Variants in USP3 observed in about 807,000 individuals in gnomAD.
USP3 encodes ubiquitin specific peptidase 3.
Under a neutral mutation model 72.3 loss-of-function variants are expected in USP3, and 20 were observed. The ratio of observed to expected loss-of-function variants is 0.28; its 90% CI spans 0.19 to 0.40. The LOEUF (loss-of-function observed/expected upper bound fraction) is 0.40, where lower values mean the gene tolerates loss of function less well. USP3 is among the 10% of genes least tolerant of loss of function. USP3 has a pLI of 1.00. For synonymous variants in USP3, 222 were observed against 225.3 expected (o/e 0.99, Z 0.13); for missense variants, 479 against 633.9 (o/e 0.76, Z 2.62).
rs570283986 is a variant in USP3 at position 63,532,630 on chromosome 15, A to G, written c.92-17A>G. 13 of 1,613,648 alleles carry G rather than the reference A, an allele frequency of 8.1e-6. No individual in the cohort carries two copies. The South Asian group carries it at 1.3e-4, about 16-fold the overall frequency. On this transcript the variant is annotated splice_polypyrimidine_tract_variant and intron_variant, in intron 1 of 14. Coordinates refer to ENST00000380324, the MANE Select transcript of USP3 (RefSeq NM_006537.4). ...ACATGATGCAATTGGTATATTGTGT[A>G]TTTTTCTTTTTATTAGTGTGCCGGT... is the stretch of plus-strand genomic sequence containing the variant.
intron 11 of USP3, among the ~76,000 whole-genome samples, chr15:63,580,039 TA>T (rs1758331722): frequency 6.6e-6 from 1 of 152,172 alleles, no homozygotes; most frequent in South Asian, 2.1e-4. Context: ...ATAGTATGTG[TA>T]AAAGATTTTA....
chr15:63,511,124 T>C (rs2065774416), intron 1 of USP3, among the ~76,000 whole-genome samples: 1 of 151,870 alleles, frequency 6.6e-6, no homozygotes, highest in Non-Finnish European at 1.5e-5. Flanking sequence ...TTTAATTAAT[T>C]ATTCATCCTT....
chr15:63,509,789 G>A (rs1436441039), intron 1 of USP3, among the ~76,000 whole-genome samples: 1 of 152,158 alleles, frequency 6.6e-6, no homozygotes, highest in South Asian at 2.1e-4. Context: ...GATGTGAAAT[G>A]TGTGAAATTT....
chr15:63,544,821 T>C lies in USP3; in HGVS notation c.284+7665T>C. The C allele has an allele frequency of 4.4e-6, 3 of 684,216 alleles. No homozygotes were observed. The South Asian group carries it at 4.6e-5, about 11-fold the overall frequency. The allele number at this position is 684,216 out of a possible 1,614,324, so 42.4% of individuals were successfully genotyped here. ...AAAGGGAAGATTGGGAGGGAAGGGG[T>C]AGGAGATAAGAATATCTAAGCAAGG... On this transcript the variant is annotated intron_variant, in intron 3 of 14. Coordinates refer to ENST00000380324, the MANE Select transcript of USP3 (RefSeq NM_006537.4). This position sits in a 1 kb window ranked among gnomAD's most constrained non-coding sequence, Gnocchi z 4.2.
intron 7 of USP3, 121 bp downstream of exon 7, chr15:63,560,091 T>G: frequency 1.2e-6 from 1 of 856,508 alleles, no homozygotes. Flanking sequence ...CTTCTAAAAA[T>G]TGTGTTTAAA....
chr15:63,578,460 A>T (rs2152680637), intron 11 of USP3, among the ~76,000 whole-genome samples: 1 of 151,820 alleles, frequency 6.6e-6, no homozygotes, highest in Admixed American at 6.6e-5. Context: ...AAAAAAAAAA[A>T]AATTAGCTGG....
intron 8 of USP3, among the ~76,000 whole-genome samples, chr15:63,563,451 A>C (rs1451368343): frequency 6.6e-6 from 1 of 152,212 alleles, no homozygotes; most frequent in Non-Finnish European, 1.5e-5. Context: ...GCTGTGGTCA[A>C]GCGCCTGGGA....
Position 63,576,585 on chromosome 15 carries a change from G to A in USP3, c.1096+2182G>A, listed in dbSNP as rs564933264. On this transcript the variant is annotated intron_variant, in intron 11 of 14. Transcript: ENST00000380324. ...TGATTTTTCCCCAAACAAGAAAAGTGGCAAGTGGCATCTGCCTTGCATCCC... is the reference window on the plus strand; with the variant it reads ...TGATTTTTCCCCAAACAAGAAAAGTAGCAAGTGGCATCTGCCTTGCATCCC... 2.0e-5 allele frequency among the ~76,000 whole-genome samples: 3 copies of A among 152,292 alleles called. No individual in the cohort carries two copies. In the South Asian group the frequency reaches 6.2e-4, roughly 32 times the overall value.
At chr15:63,547,484 T>A (rs989815029) in intron 3 of USP3, among the ~76,000 whole-genome samples, 4 of 151,876 alleles carry the variant, frequency 2.6e-5, no homozygotes, top group African/African-American at 9.7e-5. Flanking sequence ...AATCCTAGCA[T>A]TTTGGAAGGC....
At chr15:63,535,458 A>G (rs986433641) in intron 2 of USP3, among the ~76,000 whole-genome samples, 2 of 152,240 alleles carry the variant, frequency 1.3e-5, no homozygotes, top group Non-Finnish European at 2.9e-5. Context: ...TATTACGTCC[A>G]TTTTACAAAT....
chr15:63,547,480 A>G (rs145051714), intron 3 of USP3, among the ~76,000 whole-genome samples: 1,568 of 152,176 alleles, frequency 0.01, 30 homozygotes, highest in African/African-American at 0.036. Context: ...TTGTAATCCT[A>G]GCATTTTGGA....
chr15:63,545,979 A>AAAAAC (rs1278807741), intron 3 of USP3, among the ~76,000 whole-genome samples: 1 of 124,322 alleles, frequency 8.0e-6, no homozygotes, highest in African/African-American at 3.3e-5. Context: ...TCAAAAAAAA[A>AAAAAC]AAAAAAAAAA....
At chr15:63,511,833 C>T (rs1258613162) in intron 1 of USP3, among the ~76,000 whole-genome samples, 1 of 151,452 alleles carries the variant, frequency 6.6e-6, no homozygotes, top group African/African-American at 2.4e-5. Context: ...TATTTGAAAT[C>T]TTTGCTTTTA....
intron 8 of USP3, among the ~76,000 whole-genome samples, chr15:63,563,470 C>T (rs932353468): frequency 1.3e-5 from 2 of 152,202 alleles, no homozygotes; most frequent in African/African-American, 4.8e-5. Context: ...GATGCACTCT[C>T]CAGAAGGCAG....
chr15:63,506,727 A>G (rs576009706), intron 1 of USP3, among the ~76,000 whole-genome samples: 1 of 152,314 alleles, frequency 6.6e-6, no homozygotes, highest in South Asian at 2.1e-4. Flanking sequence ...AGAATAAACT[A>G]GTATGTGGGG....
rs968146910 is a variant in USP3, at chr15:63,544,424, G to A, written c.284+7268G>A. 1.2e-5 allele frequency: 5 copies of A among 410,514 alleles called. No homozygotes were observed. Among genetic ancestry groups the A allele is most frequent in the Non-Finnish European group, 2.2e-5 (5 of 229,210 alleles). 25.4% of individuals were successfully genotyped at this position (410,514 alleles called of 1,614,324 possible). ...TTTATTAACCAAAACTAGTGAAAGG[G>A]GAAGTAGCTGGATTTCAATCCAAAG... On this transcript the variant is annotated intron_variant, in intron 3 of 14. Transcript: ENST00000380324. This position sits in a 1 kb window ranked among gnomAD's most constrained non-coding sequence, Gnocchi z 4.2.
intron 7 of USP3, among the ~76,000 whole-genome samples, chr15:63,561,311 C>A (rs1192707882): frequency 6.6e-6 from 1 of 152,136 alleles, no homozygotes; most frequent in Non-Finnish European, 1.5e-5. Flanking sequence ...TTGCCTTTGG[C>A]TGATTTAGGC....
At chr15:63,555,747 T>C (rs2066497311) in intron 4 of USP3, among the ~76,000 whole-genome samples, 1 of 152,230 alleles carries the variant, frequency 6.6e-6, no homozygotes, top group Non-Finnish European at 1.5e-5. Flanking sequence ...TCTCTTCATC[T>C]TGTGGCTACC....
At chr15:63,530,184 G>T (rs1409290844) in intron 1 of USP3, among the ~76,000 whole-genome samples, 1 of 151,940 alleles carries the variant, frequency 6.6e-6, no homozygotes, top group South Asian at 2.1e-4. Flanking sequence ...CTATTGTAAC[G>T]TAATTATTTC....
Sources: allele counts gnomAD v4.1 joint callset (sites outside exome capture counted in the v4.1 genomes callset), GRCh38; gene constraint gnomAD v4.1.1; non-coding constraint Gnocchi (gnomAD v3.1); transcripts MANE v1.5; gene names NCBI Gene and HGNC (gene_info 2026-07-23, HGNC 2026-07-21).